The following CELF4 variants were observed in gnomAD, a reference collection of about 807,000 sequenced individuals.
CELF4 encodes the protein CUG-BP- and ETR-3-like factor 4.
CELF4 carries 18 observed loss-of-function variants against 59.9 expected under a neutral mutation model. That is an observed-to-expected ratio of 0.30 (90% CI 0.21 to 0.45). The LOEUF (loss-of-function observed/expected upper bound fraction) is 0.45, where lower values mean the gene tolerates loss of function less well. Among genes scored for constraint, CELF4 ranks in the 20% least tolerant of loss-of-function variants. CELF4 has a pLI of 1.00. For missense variants in CELF4, 456 were observed against 689.0 expected (o/e 0.66, Z 3.79); for synonymous variants, 261 against 267.1 (o/e 0.98, Z 0.22).
intron 3 of CELF4, among the ~76,000 whole-genome samples, chr18:37,316,218 G>C (rs2096865424): frequency 6.6e-6 from 1 of 152,112 alleles, no homozygotes; most frequent in African/African-American, 2.4e-5. Flanking sequence ...CTCTGAGGGG[G>C]CCAGCTGCCA....
intron 3 of CELF4, among the ~76,000 whole-genome samples, chr18:37,287,052 G>A (rs61148070): frequency 0.015 from 2,360 of 152,258 alleles, 66 homozygotes; most frequent in African/African-American, 0.054. Context: ...TAGATCTCAT[G>A]GGACAGAGGT....
At chr18:37,532,937 GA>G (rs1248151647) in intron 1 of CELF4, among the ~76,000 whole-genome samples, 1 of 152,214 alleles carries the variant, frequency 6.6e-6, no homozygotes, top group Non-Finnish European at 1.5e-5. Context: ...AGGGGTGCTG[GA>G]CAATTATTCA....
At chr18:37,549,048 TG>T (rs1391326065) in intron 1 of CELF4, among the ~76,000 whole-genome samples, 1 of 152,184 alleles carries the variant, frequency 6.6e-6, no homozygotes, top group Non-Finnish European at 1.5e-5. Flanking sequence ...GAGGGGTGAC[TG>T]GTGAAGCGGG....
chr18:37,349,969 C>T (rs630606), intron 2 of CELF4, among the ~76,000 whole-genome samples: 8,030 of 152,130 alleles, frequency 0.053, 258 homozygotes, highest in East Asian at 0.13. Flanking sequence ...TCACATGCGA[C>T]GTGACTGGGT....
intron 2 of CELF4, among the ~76,000 whole-genome samples, chr18:37,471,429 A>G (rs2099829246): frequency 6.6e-6 from 1 of 151,910 alleles, no homozygotes; most frequent in Non-Finnish European, 1.5e-5. Flanking sequence ...GGCCTTCCCA[A>G]CTCATGCTAA....
chr18:37,247,532 C>T (rs2062763604), intron 12 of CELF4: 1 of 151,978 alleles, frequency 6.6e-6, no homozygotes, highest in Admixed American at 6.6e-5. Flanking sequence ...AATCTAGAAG[C>T]TCTGATGAGA....
At chr18:37,563,979 G>A (rs1397982894) in intron 1 of CELF4, among the ~76,000 whole-genome samples, 2 of 152,172 alleles carry the variant, frequency 1.3e-5, no homozygotes. Flanking sequence ...ACAGCTCTGC[G>A]CTCTGCACCT....
intron 1 of CELF4, among the ~76,000 whole-genome samples, chr18:37,540,776 T>C (rs1539843): frequency 0.084 from 12,820 of 152,198 alleles, 959 homozygotes; most frequent in African/African-American, 0.19. Flanking sequence ...AGCTACAGCA[T>C]GAGGGATTTA....
intron 1 of CELF4, among the ~76,000 whole-genome samples, chr18:37,524,815 C>G (rs2099961786): frequency 6.6e-6 from 1 of 152,124 alleles, no homozygotes; most frequent in African/African-American, 2.4e-5. Context: ...CCTCCGCGCC[C>G]CGGCCGCGGC....
At chr18:37,249,566 A>T (rs1234224261) in intron 12 of CELF4, among the ~76,000 whole-genome samples, 1 of 152,094 alleles carries the variant, frequency 6.6e-6, no homozygotes, top group Non-Finnish European at 1.5e-5. Context: ...GTGGCCCTAG[A>T]CACATAACAC....
At chr18:37,410,802 G>A (rs1397861061) in intron 2 of CELF4, among the ~76,000 whole-genome samples, 4 of 152,218 alleles carry the variant, frequency 2.6e-5, no homozygotes, top group African/African-American at 9.6e-5. Flanking sequence ...ACATGTGCCT[G>A]TAAAATCCCC....
At chr18:37,423,638 A>G (rs2099594160) in intron 2 of CELF4, among the ~76,000 whole-genome samples, 1 of 152,012 alleles carries the variant, frequency 6.6e-6, no homozygotes, top group African/African-American at 2.4e-5. Flanking sequence ...AGAAGCAAAA[A>G]CAGTGGAGTT....
intron 2 of CELF4, among the ~76,000 whole-genome samples, chr18:37,324,375 AAG>A (rs745917839): frequency 2.0e-5 from 3 of 152,172 alleles, no homozygotes; most frequent in African/African-American, 4.8e-5. Context: ...CAAGAAGAGG[AAG>A]AGACACCAGG....
intron 3 of CELF4, among the ~76,000 whole-genome samples, chr18:37,286,429 A>G (rs2094777473): frequency 6.6e-6 from 1 of 152,138 alleles, no homozygotes; most frequent in South Asian, 2.1e-4. Flanking sequence ...AAATCCTCCC[A>G]GCTGTGACCC....
intron 1 of CELF4, among the ~76,000 whole-genome samples, chr18:37,499,565 C>T (rs1444867297): frequency 6.6e-6 from 1 of 152,120 alleles, no homozygotes; most frequent in Non-Finnish European, 1.5e-5. Context: ...GCACTCTCAA[C>T]CGTGTTACCT....
chr18:37,473,821 C>T (rs2099841164), intron 2 of CELF4: 1 of 152,264 alleles, frequency 6.6e-6, no homozygotes. Flanking sequence ...GGCCCTTCTC[C>T]TTCACTGAAG....
Position 37,332,922 on chromosome 18 carries a change from C to T in CELF4, c.370-11041G>A, listed in dbSNP as rs112832860. Among the ~76,000 whole-genome samples the T allele has an allele frequency of 1.1e-4, 16 of 152,328 alleles. 1 individual carries two copies. Among genetic ancestry groups the T allele is most frequent in the East Asian group, 3.9e-4 (2 of 5,166 alleles). ...GTCCATCTTGCTGCTCCTGTGAACA[C>T]GCCAGGGCTGCACTGGCAAGGGTGG... On this transcript the variant is annotated intron_variant, in intron 2 of 12. Transcript: ENST00000420428.
At chr18:37,384,305 A>G (rs1330416838) in intron 2 of CELF4, among the ~76,000 whole-genome samples, 1 of 152,088 alleles carries the variant, frequency 6.6e-6, no homozygotes, top group East Asian at 1.9e-4. Flanking sequence ...GGCAATCTGG[A>G]CCCAGTCGGG....
At chr18:37,389,252 C>T (rs1222085276) in intron 2 of CELF4, among the ~76,000 whole-genome samples, 1 of 152,110 alleles carries the variant, frequency 6.6e-6, no homozygotes, top group Non-Finnish European at 1.5e-5. Context: ...TTACTGATAC[C>T]AATCTCCTTC....
Sources: gnomAD v4.1 joint callset for allele counts (sites outside exome capture counted in the v4.1 genomes callset) on GRCh38, gnomAD v4.1.1 for gene constraint, MANE v1.5 for transcripts, NCBI Gene and HGNC (gene_info 2026-07-23, HGNC 2026-07-21) for gene names.